RBFOX1: variants seen among roughly 807,000 people sequenced by gnomAD.
RBFOX1 encodes RNA binding protein fox-1 homolog 1.
In RBFOX1, 8 loss-of-function variants were observed where a neutral mutation model predicts 57.7. The ratio of observed to expected loss-of-function variants is 0.14; its 90% confidence interval spans 0.08 to 0.25. The LOEUF is 0.25. Ranked by LOEUF, RBFOX1 falls within the 10% of genes least tolerant of loss-of-function variation. The pLI is 1.00. For synonymous variants in RBFOX1, 326 were observed against 222.4 expected, an observed-to-expected ratio of 1.47 and a Z score of -4.15; for missense variants, 611 against 548.5, an observed-to-expected ratio of 1.11 and a Z score of -1.14.
intron 2 of RBFOX1, among the ~76,000 whole-genome samples, chr16:5,526,649 T>A (rs1191807229): frequency 1.3e-5 from 2 of 152,074 alleles, no homozygotes; most frequent in Admixed American, 1.3e-4. Context: ...ACACAAGCAA[T>A]GAAACAGGCT....
intron 4 of RBFOX1, among the ~76,000 whole-genome samples, chr16:7,118,702 C>T (rs961195376): frequency 2.6e-5 from 4 of 152,080 alleles, no homozygotes; most frequent in Non-Finnish European, 4.4e-5. Context: ...TTAGTAAAGG[C>T]GTGAATGTTA....
At chr16:6,957,591 A>G (rs1328917908) in intron 3 of RBFOX1, among the ~76,000 whole-genome samples, 1 of 152,094 alleles carries the variant, frequency 6.6e-6, no homozygotes, top group Non-Finnish European at 1.5e-5. Context: ...GGGTTATGGC[A>G]TCTTTACTGC....
chr16:7,189,475 T>C lies in RBFOX1; in HGVS notation c.27+137377T>C, dbSNP rs113078989. Among the ~76,000 whole-genome samples the C allele has an allele frequency of 8.9e-3, 1,101 of 123,088 alleles. 20 individuals are homozygous for C. Among genetic ancestry groups the C allele is most frequent in the Middle Eastern group, 0.044 (9 of 204 alleles). 80.8% of individuals were successfully genotyped at this position (123,088 alleles called of 152,430 possible). On this transcript the variant is annotated intron_variant, in intron 4 of 15. Coordinates refer to ENST00000550418, the MANE Select transcript of RBFOX1 (RefSeq NM_018723.4). ...GAATCCTCAATGGATAGAATCCTCA[T>C]AGGGAGACCCACACTGATTCAGGTA...
At chr16:7,618,466 T>C (rs1474820142) in intron 10 of RBFOX1, among the ~76,000 whole-genome samples, 2 of 152,198 alleles carry the variant, frequency 1.3e-5, no homozygotes, top group Non-Finnish European at 2.9e-5. Flanking sequence ...GTGAAACTTA[T>C]TTCGTGGTTT....
intron 2 of RBFOX1, among the ~76,000 whole-genome samples, chr16:6,470,799 T>A (rs1481326164): frequency 6.6e-6 from 1 of 152,180 alleles, no homozygotes; most frequent in East Asian, 1.9e-4. Context: ...TTATCCTTTT[T>A]TTAACACCTC....
chr16:6,685,505 G>A (rs2059319510), intron 3 of RBFOX1, among the ~76,000 whole-genome samples: 1 of 143,716 alleles, frequency 7.0e-6, no homozygotes, highest in Non-Finnish European at 1.5e-5. Flanking sequence ...CCAGGCTGCT[G>A]TCGAACTCCT....
chr16:5,259,792 G>T (rs1156452665), intron 1 of RBFOX1, among the ~76,000 whole-genome samples: 1 of 152,184 alleles, frequency 6.6e-6, no homozygotes, highest in East Asian at 1.9e-4. Flanking sequence ...CGTTTTGTGG[G>T]AAATGTTTCT....
chr16:6,952,559 G>T (rs570293324), intron 3 of RBFOX1, among the ~76,000 whole-genome samples: 1 of 151,804 alleles, frequency 6.6e-6, no homozygotes, highest in Non-Finnish European at 1.5e-5. Context: ...AATCACTTAG[G>T]CCTGGGAGAT....
intron 2 of RBFOX1, among the ~76,000 whole-genome samples, chr16:6,644,152 A>G (rs1169875979): frequency 1.3e-5 from 2 of 152,126 alleles, no homozygotes; most frequent in Non-Finnish European, 2.9e-5. Context: ...GTTGCATAAA[A>G]TCACCAGTAT....
chr16:7,613,671 A>T (rs1029624537), intron 10 of RBFOX1, among the ~76,000 whole-genome samples: 3 of 152,154 alleles, frequency 2.0e-5, no homozygotes, highest in Admixed American at 6.5e-5. Context: ...ACCATGATTC[A>T]TCTCAGAATT....
chr16:5,982,303 T>A (rs927456897), intron 4 of RBFOX1, among the ~76,000 whole-genome samples: 2 of 152,024 alleles, frequency 1.3e-5, no homozygotes, highest in Admixed American at 1.3e-4. Context: ...AGATGGAGTC[T>A]CGCTCTGTTG....
chr16:5,734,155 T>C (rs72765182), intron 3 of RBFOX1, among the ~76,000 whole-genome samples: 16,844 of 152,222 alleles, frequency 0.11, 1,079 homozygotes, highest in Non-Finnish European at 0.14. Context: ...GAGATAGGTG[T>C]CTTGTCTGTT....
intron 2 of RBFOX1, among the ~76,000 whole-genome samples, chr16:6,507,248 A>G (rs2096124626): frequency 6.6e-6 from 1 of 152,150 alleles, no homozygotes; most frequent in Admixed American, 6.5e-5. Context: ...ATTACTTAAA[A>G]CATAAATCAA....
At chr16:6,422,449 A>G (rs907241242) in intron 2 of RBFOX1, among the ~76,000 whole-genome samples, 1 of 151,858 alleles carries the variant, frequency 6.6e-6, no homozygotes, top group African/African-American at 2.4e-5. Flanking sequence ...TCTTATGCCC[A>G]TGTATTAGTT....
intron 10 of RBFOX1, among the ~76,000 whole-genome samples, chr16:7,609,232 T>C (rs2056947901): frequency 6.6e-6 from 1 of 152,150 alleles, no homozygotes; most frequent in South Asian, 2.1e-4. Flanking sequence ...AGAAGCCTTC[T>C]TGTGGGGAGG....
At chr16:6,211,896 C>T (rs1258156495) in intron 1 of RBFOX1, among the ~76,000 whole-genome samples, 1 of 151,802 alleles carries the variant, frequency 6.6e-6, no homozygotes, top group Non-Finnish European at 1.5e-5. Flanking sequence ...GTCACTCAGG[C>T]TGGAGTGAAG....
chr16:6,091,758 G>C (rs373134825), intron 1 of RBFOX1, among the ~76,000 whole-genome samples: 106 of 152,258 alleles, frequency 7.0e-4, no homozygotes, highest in African/African-American at 2.6e-3. Context: ...TTGAACCTGG[G>C]AGTTGGAGGT....
At chr16:5,491,080 C>G (rs767214262) in intron 2 of RBFOX1, among the ~76,000 whole-genome samples, 7 of 152,108 alleles carry the variant, frequency 4.6e-5, no homozygotes, top group Admixed American at 1.3e-4. Flanking sequence ...GGTTTCTGTA[C>G]CTGCTTCATT....
chr16:6,484,986 C>T (rs2095443899), intron 2 of RBFOX1, among the ~76,000 whole-genome samples: 1 of 152,160 alleles, frequency 6.6e-6, no homozygotes, highest in Non-Finnish European at 1.5e-5. Flanking sequence ...ACATCTTTCT[C>T]CACTGTGTTC....
Sources: allele counts gnomAD v4.1 joint callset (sites outside exome capture counted in the v4.1 genomes callset), GRCh38; gene constraint gnomAD v4.1.1; transcripts MANE v1.5; gene names NCBI Gene and HGNC (gene_info 2026-07-23, HGNC 2026-07-21).